Variants in GABBR1 observed in about 807,000 individuals in gnomAD.
GABBR1 encodes the protein GABA-B receptor, R1 subunit.
GABBR1 carries 35 observed loss-of-function variants against 117.7 expected under a neutral mutation model. The ratio of observed to expected loss-of-function variants is 0.30; its 90% confidence interval spans 0.23 to 0.39. The LOEUF is 0.39. Ranked by LOEUF, GABBR1 falls within the 10% of genes least tolerant of loss-of-function variation. GABBR1 has a pLI of 1.00. For synonymous variants in GABBR1, 442 were observed against 486.6 expected, an observed-to-expected ratio of 0.91 and a Z score of 1.21; for missense variants, 709 against 1,241.8, an observed-to-expected ratio of 0.57 and a Z score of 6.45.
At chr6:29,618,777 T>C (rs1763440093) in intron 11 of GABBR1, among the ~76,000 whole-genome samples, 1 of 152,214 alleles carries the variant, frequency 6.6e-6, no homozygotes, top group Non-Finnish European at 1.5e-5. Context: ...TCTCATTCTC[T>C]GCACTATTAA....
At position 29,627,894 on chromosome 6, in the gene GABBR1, C is replaced by A; in HGVS notation, c.497-248G>T. 1 of 1,360,940 alleles carries A rather than the reference C, an allele frequency of 7.3e-7. No homozygotes were observed. The highest frequency in any genetic ancestry group is 9.4e-7 in the Non-Finnish European group (1 of 1,065,404). The allele number at this position is 1,360,940 out of a possible 1,614,324, so 84.3% of individuals were successfully genotyped here. A position where few individuals can be genotyped will look rare whatever the true frequency, so the allele number is the denominator to read the frequency against. On this transcript the variant is annotated intron_variant, in intron 5 of 22. Transcript: ENST00000377034. This position sits in a 1 kb window ranked among gnomAD's most constrained non-coding sequence, Gnocchi z 4.4. ...AGGGTGCCGGGGAGGCGCCTCCATCCCTGATTTTGTGGGGAGGAGGGGGCG... is the reference window on the plus strand; with the variant it reads ...AGGGTGCCGGGGAGGCGCCTCCATCACTGATTTTGTGGGGAGGAGGGGGCG...
Position 29,621,674 on chromosome 6 carries a change from G to T in GABBR1, c.1131+78C>A. 1.6e-6 allele frequency: 2 copies of T among 1,254,120 alleles called. No individual in the cohort carries two copies. The highest frequency in any genetic ancestry group is 2.3e-5 in the East Asian group (1 of 43,216). 77.7% of individuals were successfully genotyped at this position (1,254,120 alleles called of 1,614,324 possible). On this transcript the variant is annotated intron_variant, in intron 10 of 22. Coordinates refer to ENST00000377034, the MANE Select transcript of GABBR1 (RefSeq NM_001470.4). This position sits in a 1 kb window ranked among gnomAD's most constrained non-coding sequence, Gnocchi z 5.0. ...ATCATATGCTATCAACTCAGGCACA[G>T]ATGCCAAGAGGAGGCCCCACAAGAA...
Position 29,608,737 on chromosome 6 carries a change from G to A in GABBR1, c.1860-4C>T, listed in dbSNP as rs757452736. 1 of 1,612,820 alleles carries A rather than the reference G, an allele frequency of 6.2e-7. No homozygotes were observed. Among genetic ancestry groups the A allele is most frequent in the Non-Finnish European group, 8.5e-7 (1 of 1,179,856 alleles). On this transcript the variant is annotated splice_region_variant and splice_polypyrimidine_tract_variant and intron_variant, in intron 15 of 22. Transcript: ENST00000377034. ...GGGCTGTGAGTTCTGGATATAACTA[G>A]GGCAGAGGTGGAGAGGGTGAGAGGG...
chr6:29,604,621 G>A lies in GABBR1; in HGVS notation c.2585C>T (p.Thr862Ile). Residue 862 changes from threonine (T) to isoleucine (I), a missense_variant, in exon 22 of 23, where the codon ACC becomes ATC. By Grantham distance (89) the Thr-to-Ile change is moderately conservative (BLOSUM62 -1). This residue lies in a region of GABBR1 where 251 missense variants were observed against 445.3 expected (regional missense o/e 0.56). Transcript: ENST00000377034. This position sits in a 1 kb window ranked among gnomAD's most constrained non-coding sequence, Gnocchi z 5.3. ...LFVPKMRRLI[T>I]RGEWQSEAQD... ...CGCCTCCGACTGCCATTCCCCTCGG[G>A]TGATCAGCCTGCGCATCTGGGGGCA... The A allele has an allele frequency of 1.9e-6, 3 of 1,613,276 alleles. No homozygotes were observed. The highest frequency in any genetic ancestry group is 2.5e-6 in the Non-Finnish European group (3 of 1,180,036).
Position 29,627,872 on chromosome 6 carries a change from G to A in GABBR1, c.497-226C>T. Reference sequence around the variant, plus strand: ...TTTCCTGGGGAGGGCTGCTAAGAGGGTGCCGGGGAGGCGCCTCCATCCCTG... The same window carrying A: ...TTTCCTGGGGAGGGCTGCTAAGAGGATGCCGGGGAGGCGCCTCCATCCCTG... On this transcript the variant is annotated intron_variant, in intron 5 of 22. Transcript: ENST00000377034. The surrounding 1 kb of genome is among the most constrained non-coding windows in gnomAD (Gnocchi z 4.4). 7.3e-7 allele frequency: 1 copy of A among 1,370,698 alleles called. No individual in the cohort carries two copies. Among genetic ancestry groups the A allele is most frequent in the South Asian group, 1.8e-5 (1 of 57,006 alleles). The allele number at this position is 1,370,698 out of a possible 1,614,324, so 84.9% of individuals were successfully genotyped here.
Position 29,609,491 on chromosome 6 carries a change from C to T in GABBR1, c.1709-112G>A. ...AAGAACTAGATTGCTGATGGACATT[C>T]AGTCATTGGCTGGGGACATGAGGCC... On this transcript the variant is annotated intron_variant, in intron 14 of 22. Transcript: ENST00000377034. This position sits in a 1 kb window ranked among gnomAD's most constrained non-coding sequence, Gnocchi z 4.3. The T allele has an allele frequency of 3.4e-6, 3 of 875,122 alleles. No individual in the cohort carries two copies. The highest frequency in any genetic ancestry group is 1.6e-5 in the South Asian group (1 of 63,204). 54.2% of individuals were successfully genotyped at this position (875,122 alleles called of 1,614,324 possible).
Position 29,623,544 on chromosome 6 carries a change from C to CT in GABBR1, c.793-70dup. 6.9e-7 allele frequency: 1 copy of CT among 1,459,138 alleles called. No homozygotes were observed. Among genetic ancestry groups the CT allele is most frequent in the Non-Finnish European group, 9.4e-7 (1 of 1,059,376 alleles). The allele number at this position is 1,459,138 out of a possible 1,614,324, so 90.4% of individuals were successfully genotyped here. ...GGACACCAAGAGTGGCCAAGAGTTC[C>CT]TTTAACCCTCTTCCTGCCTTTGGGT... On this transcript the variant is annotated intron_variant, in intron 7 of 22. Coordinates refer to ENST00000377034, the MANE Select transcript of GABBR1 (RefSeq NM_001470.4). The surrounding 1 kb of genome is among the most constrained non-coding windows in gnomAD (Gnocchi z 6.2).
rs1761443123 is a variant in GABBR1, at chr6:29,602,285, A to C, written c.*1258T>G. ...ATTCGGGGAGATCCTTCCCCAAGAG[A>C]CACCACAGTGTGAAAGGGACACCAC... is the stretch of plus-strand genomic sequence containing the variant. On this transcript the variant is annotated 3_prime_UTR_variant, in exon 23 of 23. Coordinates refer to ENST00000377034, the MANE Select transcript of GABBR1 (RefSeq NM_001470.4). 1 of 152,562 alleles carries C rather than the reference A, an allele frequency of 6.6e-6. No homozygotes were observed. Among genetic ancestry groups the C allele is most frequent in the Admixed American group, 6.5e-5 (1 of 15,314 alleles). The allele number at this position is 152,562 out of a possible 1,614,324, so 9.5% of individuals were successfully genotyped here.
At position 29,605,315 on chromosome 6, in the gene GABBR1, C is replaced by A. The variant is rs1256243589; in HGVS notation, c.2439+254G>T. On this transcript the variant is annotated intron_variant, in intron 20 of 22. Transcript: ENST00000377034. This position sits in a 1 kb window ranked among gnomAD's most constrained non-coding sequence, Gnocchi z 4.2. ...TAACCACAGACAAGCAATTTAACGT[C>A]TCTGTGTTTCTGTTTCCTCACCTAT... 1.8e-6 allele frequency: 1 copy of A among 567,234 alleles called. No individual in the cohort carries two copies. The highest frequency in any genetic ancestry group is 3.1e-6 in the Non-Finnish European group (1 of 324,794). 35.1% of individuals were successfully genotyped at this position (567,234 alleles called of 1,614,324 possible).
intron 14 of GABBR1, among the ~76,000 whole-genome samples, chr6:29,610,641 TTTCCCGCCCTCTGCCCACCCCCTGCCTC>T (rs1762442203): frequency 6.6e-6 from 1 of 151,950 alleles, no homozygotes; most frequent in African/African-American, 2.4e-5. Flanking sequence ...GGAGTTTCCA[TTTCCCGCCCTCTGCCCACCCCCTGCCTC>T]TAATCCCCAG....
At chr6:29,617,279 TA>T (rs1763236385) in intron 11 of GABBR1, among the ~76,000 whole-genome samples, 1 of 150,488 alleles carries the variant, frequency 6.6e-6, no homozygotes, top group South Asian at 2.1e-4. Context: ...TTCAAGTCCA[TA>T]TTTCTTTTCT....
In GABBR1 at chr6:29,606,865, T is replaced by G; in HGVS notation, c.2217+32A>C. The G allele has an allele frequency of 6.3e-7, 1 of 1,583,274 alleles. No homozygotes were observed. Among genetic ancestry groups the G allele is most frequent in the Non-Finnish European group, 8.7e-7 (1 of 1,152,300 alleles). On this transcript the variant is annotated intron_variant, in intron 18 of 22. Coordinates refer to ENST00000377034, the MANE Select transcript of GABBR1 (RefSeq NM_001470.4). The surrounding 1 kb of genome is among the most constrained non-coding windows in gnomAD (Gnocchi z 4.5). ...GATGGCCACTGAGCCCTGCTCATTC[T>G]CCTGACCATAGCACCTCCTCTCCAG...
Position 29,621,681 on chromosome 6 carries a change from A to G in GABBR1, c.1131+71T>C. On this transcript the variant is annotated intron_variant, in intron 10 of 22. Coordinates refer to ENST00000377034, the MANE Select transcript of GABBR1 (RefSeq NM_001470.4). This position sits in a 1 kb window ranked among gnomAD's most constrained non-coding sequence, Gnocchi z 5.0. ...GCTATCAACTCAGGCACAGATGCCA[A>G]GAGGAGGCCCCACAAGAAAACCAAG... 1 of 1,326,436 alleles carries G rather than the reference A, an allele frequency of 7.5e-7. No individual in the cohort carries two copies. Among genetic ancestry groups the G allele is most frequent in the South Asian group, 1.2e-5 (1 of 85,120 alleles). The allele number at this position is 1,326,436 out of a possible 1,614,324, so 82.2% of individuals were successfully genotyped here. A position where few individuals can be genotyped will look rare whatever the true frequency, so the allele number is the denominator to read the frequency against.
rs1187841405 is a variant in GABBR1 at position 29,613,841 on chromosome 6, A to G, written c.1324-356T>C. On this transcript the variant is annotated intron_variant, in intron 11 of 22. Coordinates refer to ENST00000377034, the MANE Select transcript of GABBR1 (RefSeq NM_001470.4). This position sits in a 1 kb window ranked among gnomAD's most constrained non-coding sequence, Gnocchi z 4.1. ...GGATATTCCAATGAAGAGCTGTGACACTGATGTTCTCTGATCCTTCTGACT... is the reference window on the plus strand; with the variant it reads ...GGATATTCCAATGAAGAGCTGTGACGCTGATGTTCTCTGATCCTTCTGACT... Among the ~76,000 whole-genome samples, 1 of 152,242 alleles carries G rather than the reference A, an allele frequency of 6.6e-6. No individual in the cohort carries two copies. The highest frequency in any genetic ancestry group is 1.5e-5 in the Non-Finnish European group (1 of 68,036).
chr6:29,623,618 G>T lies in GABBR1; in HGVS notation c.793-143C>A. 1 of 841,950 alleles carries T rather than the reference G, an allele frequency of 1.2e-6. No homozygotes were observed. Among genetic ancestry groups the T allele is most frequent in the South Asian group, 1.9e-5 (1 of 53,754 alleles). 52.2% of individuals were successfully genotyped at this position (841,950 alleles called of 1,614,324 possible). Reference sequence around the variant, plus strand: ...CCTCCCCACCTCTGGTCTGCCTAAGGAAAAGAGATTCTCAAAGGCCCACAC... The same window carrying T: ...CCTCCCCACCTCTGGTCTGCCTAAGTAAAAGAGATTCTCAAAGGCCCACAC... On this transcript the variant is annotated intron_variant, in intron 7 of 22. Coordinates refer to ENST00000377034, the MANE Select transcript of GABBR1 (RefSeq NM_001470.4). This position sits in a 1 kb window ranked among gnomAD's most constrained non-coding sequence, Gnocchi z 6.2.
Position 29,603,048 on chromosome 6 carries a change from A to G in GABBR1, c.*495T>C, listed in dbSNP as rs1412158475. ...AAGGAAGCAAAATTCAGGGGGAGCC[A>G]CATGTGAGAAAGTATAGAAGGGCAA... is the stretch of plus-strand genomic sequence containing the variant. On this transcript the variant is annotated 3_prime_UTR_variant, in exon 23 of 23. Transcript: ENST00000377034. The G allele has an allele frequency of 2.2e-6, 1 of 457,004 alleles. No individual in the cohort carries two copies. The highest frequency in any genetic ancestry group is 4.4e-6 in the Non-Finnish European group (1 of 227,142). 28.3% of individuals were successfully genotyped at this position (457,004 alleles called of 1,614,324 possible). A position where few individuals can be genotyped will look rare whatever the true frequency, so the allele number is the denominator to read the frequency against.
chr6:29,615,999 C>A (rs969305745), intron 11 of GABBR1, among the ~76,000 whole-genome samples: 4 of 151,684 alleles, frequency 2.6e-5, no homozygotes, highest in African/African-American at 9.7e-5. Flanking sequence ...GTCCGGAGTT[C>A]GAGACCAGCC....
At position 29,605,065 on chromosome 6, in the gene GABBR1, G is replaced by A; in HGVS notation, c.2440-77C>T. ...ATCCAGAGTTTACTTCCCATGGGAG[G>A]GAGTCTATGCAGACAGTTTCCTGGT... On this transcript the variant is annotated intron_variant, in intron 20 of 22. Coordinates refer to ENST00000377034, the MANE Select transcript of GABBR1 (RefSeq NM_001470.4). The surrounding 1 kb of genome is among the most constrained non-coding windows in gnomAD (Gnocchi z 4.2). 1 of 1,436,426 alleles carries A rather than the reference G, an allele frequency of 7.0e-7. No individual in the cohort carries two copies. Among genetic ancestry groups the A allele is most frequent in the Non-Finnish European group, 9.3e-7 (1 of 1,070,152 alleles). The allele number at this position is 1,436,426 out of a possible 1,614,324, so 89.0% of individuals were successfully genotyped here.
At position 29,630,728 on chromosome 6, in the gene GABBR1, T is replaced by G; in HGVS notation, c.290-85A>C. ...AGAGCAGGGGACTCAGGTGCAGGTT[T>G]GGGTCCACAAGCATCCTGCTCTAAA... is the stretch of plus-strand genomic sequence containing the variant. On this transcript the variant is annotated intron_variant, in intron 3 of 22. Transcript: ENST00000377034. This position sits in a 1 kb window ranked among gnomAD's most constrained non-coding sequence, Gnocchi z 4.9. The G allele has an allele frequency of 4.6e-5, 55 of 1,184,040 alleles. No homozygotes were observed. Among genetic ancestry groups the G allele is most frequent in the Non-Finnish European group, 6.5e-5 (54 of 834,580 alleles). 73.3% of individuals were successfully genotyped at this position (1,184,040 alleles called of 1,614,324 possible).
Sources: allele counts gnomAD v4.1 joint callset (sites outside exome capture counted in the v4.1 genomes callset), GRCh38; gene constraint gnomAD v4.1.1; regional missense constraint gnomAD v4.1.1; non-coding constraint Gnocchi (gnomAD v3.1); transcripts MANE v1.5; gene names NCBI Gene and HGNC (gene_info 2026-07-23, HGNC 2026-07-21).